Variants in ACRBP observed in about 807,000 individuals in gnomAD.
ACRBP encodes acrosin binding protein, also known as acrosin-binding protein.
ACRBP carries 52 observed loss-of-function variants against 69.0 expected under a neutral mutation model. The ratio of observed to expected loss-of-function variants is 0.75; its 90% CI spans 0.60 to 0.95. ACRBP has a LOEUF of 0.95. Ranked by LOEUF, ACRBP falls within the 40% of genes least tolerant of loss-of-function variation. ACRBP has a pLI of 0.00. For synonymous variants in ACRBP, 267 were observed against 258.9 expected (o/e 1.03, Z -0.30); for missense variants, 604 against 673.0 (o/e 0.90, Z 1.13).
chr12:6,638,404 C>G lies in ACRBP; in HGVS notation c.1510G>C (p.Val504Leu), dbSNP rs1301078141. 6.2e-7 allele frequency: 1 copy of G among 1,613,960 alleles called. No individual in the cohort carries two copies. The highest frequency in any genetic ancestry group is 1.1e-5 in the South Asian group (1 of 91,078). The change falls in exon 10 of 10, where the codon GTG becomes CTG. Residue 504 changes from valine to leucine, a missense_variant and splice_region_variant. Transcript: ENST00000229243. ...QCLMRNRNRK[V>L]SRMRCLQNET... is the part of the protein sequence containing the mutation. ...TTCTGCAGACATCTCATGCGGGACACCTACACAGAGATTCAGTGCAGACGG... is the reference window on the plus strand; with the variant it reads ...TTCTGCAGACATCTCATGCGGGACAGCTACACAGAGATTCAGTGCAGACGG...
intron 8 of ACRBP, 79 bp downstream of exon 8, chr12:6,639,981 T>C: frequency 3.3e-6 from 5 of 1,531,528 alleles, no homozygotes; most frequent in Non-Finnish European, 4.4e-6. Flanking sequence ...TTCCACAAAC[T>C]AGCGCTACTC....
At position 6,646,947 on chromosome 12, in the gene ACRBP, G is replaced by T; in HGVS notation, c.109C>A (p.Pro37Thr). Residue 37 changes from proline (P) to threonine (T), a missense_variant, in exon 2 of 10, where the codon CCT becomes ACT. Physicochemically the swap from Pro to Thr is conservative, Grantham distance 38 (BLOSUM62 -1). This residue lies in a region of ACRBP where 532 missense variants were observed against 562.9 expected (regional missense o/e 0.95). Transcript: ENST00000229243. ...CGTTCGTATTCGGTAGGAGAGAGAG[G>T]GCTGCCTGGAGTGGAGGCCTGAGTC... ...DSTQASTPGSPLSPTEYERFF... is the reference protein window; with the variant it reads ...DSTQASTPGSTLSPTEYERFF... 6.2e-7 allele frequency: 1 copy of T among 1,613,656 alleles called. No homozygotes were observed. The highest frequency in any genetic ancestry group is 8.5e-7 in the Non-Finnish European group (1 of 1,180,020).
chr12:6,646,647 C>T, intron 2 of ACRBP, 70 bp from the exon 3 acceptor site: 1 of 1,528,002 alleles, frequency 6.5e-7, no homozygotes, highest in South Asian at 1.1e-5. Flanking sequence ...GCAATGGACT[C>T]CACGCCATGG....
chr12:6,646,125 ATTTTT>A (rs59626834), intron 3 of ACRBP, among the ~76,000 whole-genome samples: 2 of 121,432 alleles, frequency 1.6e-5, no homozygotes, highest in African/African-American at 6.3e-5. Context: ...AAGCCCGGCT[ATTTTT>A]TTTTTTTTTT....
rs368867411 is a variant in ACRBP, at chr12:6,644,346, C to T, written c.735G>A (p.Val245=). 8.1e-6 allele frequency: 13 copies of T among 1,614,062 alleles called. No individual in the cohort carries two copies. In the African/African-American group the frequency reaches 1.6e-4, roughly 20 times the overall value. ...GCTCTGAGTCTGTCTGCAGCTGAGA[C>T]ACAGCCTCCCGTCCCTCCTTAGTCC... ...GQGTKEGREA[V]SQLQTDSEPK... Residue 245 remains valine, a synonymous_variant, in exon 5 of 10, where the codon GTG becomes GTA. Coordinates refer to ENST00000229243, the MANE Select transcript of ACRBP (RefSeq NM_032489.3).
rs1949047671 is a variant in ACRBP at position 6,640,897 on chromosome 12, C to T, written c.1078-375G>A. 6.6e-6 allele frequency among the ~76,000 whole-genome samples: 1 copy of T among 152,144 alleles called. No individual in the cohort carries two copies. The highest frequency in any genetic ancestry group is 1.5e-5 in the Non-Finnish European group (1 of 68,034). ...AGCCTATCTGAAAAGAACTCATAACCCTCCCCTGCCACCTCTGCTAATGAT... is the reference window on the plus strand; with the variant it reads ...AGCCTATCTGAAAAGAACTCATAACTCTCCCCTGCCACCTCTGCTAATGAT... On this transcript the variant is annotated intron_variant, in intron 6 of 9. Transcript: ENST00000229243. This position sits in a 1 kb window ranked among gnomAD's most constrained non-coding sequence, Gnocchi z 5.3.
At chr12:6,642,282 A>C (rs1317681017) in intron 6 of ACRBP, among the ~76,000 whole-genome samples, 1 of 152,178 alleles carries the variant, frequency 6.6e-6, no homozygotes, top group South Asian at 2.1e-4. Flanking sequence ...AGATACATCT[A>C]AGTTTTATTC....
In ACRBP at chr12:6,646,931, T is replaced by C; in HGVS notation, c.125A>G (p.Glu42Gly). The C allele has an allele frequency of 6.2e-7, 1 of 1,613,882 alleles. No individual in the cohort carries two copies. The highest frequency in any genetic ancestry group is 8.5e-7 in the Non-Finnish European group (1 of 1,179,998). ...STPGSPLSPT[E>G]YERFFALLTP... ...CAGCAGTGCGAAGAAGCGTTCGTAT[T>C]CGGTAGGAGAGAGAGGGCTGCCTGG... is the stretch of plus-strand genomic sequence containing the variant. Residue 42 changes from glutamate to glycine, a missense_variant, in exon 2 of 10, where the codon GAA becomes GGA. Glu to Gly is a moderately conservative substitution (Grantham distance 98, BLOSUM62 -2). This residue lies in a region of ACRBP where 532 missense variants were observed against 562.9 expected (regional missense o/e 0.95). Coordinates refer to ENST00000229243, the MANE Select transcript of ACRBP (RefSeq NM_032489.3).
chr12:6,638,128 C>G lies in ACRBP; in HGVS notation c.*154G>C. ...CTTTTAAGGAGGGCGCAGCTCCCAC[C>G]GTGGCCCTCTCTGGGACTGTTGCTC... On this transcript the variant is annotated 3_prime_UTR_variant, in exon 10 of 10. Transcript: ENST00000229243. The G allele has an allele frequency of 1.9e-6, 2 of 1,036,144 alleles. No individual in the cohort carries two copies. The highest frequency in any genetic ancestry group is 1.6e-5 in the South Asian group (1 of 64,272). 64.2% of individuals were successfully genotyped at this position (1,036,144 alleles called of 1,614,324 possible).
In ACRBP at chr12:6,645,318, G is replaced by A. The variant is rs1949079733; in HGVS notation, c.377C>T (p.Pro126Leu). 4 of 1,613,466 alleles carry A rather than the reference G, an allele frequency of 2.5e-6. No homozygotes were observed. The East Asian group carries it at 8.9e-5, about 36-fold the overall frequency. Reference protein sequence around the residue: ...YYAKRVLCSQPVSILSPNTLK... With the variant: ...YYAKRVLCSQLVSILSPNTLK... The stretch of plus-strand genomic sequence containing the variant: ...AGTGTTAGGTGAGAGAATAGAGACT[G>A]GCTGGGAACACAGGACTCTCTGCAG... Residue 126 changes from proline to leucine, a missense_variant, in exon 4 of 10, where the codon CCA (proline) becomes CTA (leucine). By Grantham distance (98) the Pro-to-Leu change is moderately conservative. This residue lies in a region of ACRBP where 532 missense variants were observed against 562.9 expected (regional missense o/e 0.95). Coordinates refer to ENST00000229243, the MANE Select transcript of ACRBP (RefSeq NM_032489.3).
At chr12:6,646,432 C>T in intron 3 of ACRBP, 51 bp downstream of exon 3, 1 of 1,541,000 alleles carries the variant, frequency 6.5e-7, no homozygotes, top group East Asian at 2.2e-5. Flanking sequence ...ACTGCTGCCG[C>T]CTCTCCCTTG....
chr12:6,639,105 A>G (rs1055300179), intron 8 of ACRBP, 68 bp from the exon 9 acceptor site: 1 of 1,440,194 alleles, frequency 6.9e-7, no homozygotes, highest in African/African-American at 1.4e-5. Context: ...ACTCCAGGGA[A>G]TATCTGCTAG....
Position 6,640,053 on chromosome 12 carries a change from T to C in ACRBP, c.1425+7A>G, listed in dbSNP as rs1373812111. On this transcript the variant is annotated splice_region_variant and intron_variant, in intron 8 of 9. Transcript: ENST00000229243. The surrounding 1 kb of genome is among the most constrained non-coding windows in gnomAD (Gnocchi z 5.3). ...GATGGGGCTGAGCTTTGGGGAAAGG[T>C]TCTAACCTTGGTAGGGAAATCCCCA... 6.2e-7 allele frequency: 1 copy of C among 1,613,736 alleles called. No homozygotes were observed. Among genetic ancestry groups the C allele is most frequent in the African/African-American group, 1.3e-5 (1 of 74,846 alleles).
Position 6,640,197 on chromosome 12 carries a change from C to G in ACRBP, c.1288G>C (p.Gly430Arg). 1.2e-6 allele frequency: 2 copies of G among 1,614,162 alleles called. No homozygotes were observed. Among genetic ancestry groups the G allele is most frequent in the Non-Finnish European group, 1.7e-6 (2 of 1,180,034 alleles). The change falls in exon 8 of 10, where the codon GGG becomes CGG. Residue 430 changes from glycine (G) to arginine (R), a missense_variant. This residue lies in a region of ACRBP where 532 missense variants were observed against 562.9 expected (regional missense o/e 0.95). Transcript: ENST00000229243. The surrounding 1 kb of genome is among the most constrained non-coding windows in gnomAD (Gnocchi z 5.3). ...VGSPESGRFY[G>R]LDLYGGLHMD... is the part of the protein sequence containing the mutation. ...TGGAGCCCACCGTACAAATCCAGCC[C>G]GTAAAAGCGGCCTGATTCTGGGGAC...
At position 6,639,174 on chromosome 12, in the gene ACRBP, C is replaced by T. The variant is rs1157539186; in HGVS notation, c.1426-137G>A. 5 of 723,440 alleles carry T rather than the reference C, an allele frequency of 6.9e-6. No homozygotes were observed. In the East Asian group the frequency reaches 1.4e-4, roughly 20 times the overall value. The allele number at this position is 723,440 out of a possible 1,614,324, so 44.8% of individuals were successfully genotyped here. A position where few individuals can be genotyped will look rare whatever the true frequency, so the allele number is the denominator to read the frequency against. ...CAGGTCTTCCACACACAGGCGGCCC[C>T]TCACTCCGCTTTCCCTCTGCCTTTC... is the stretch of plus-strand genomic sequence containing the variant. On this transcript the variant is annotated intron_variant, in intron 8 of 9. Coordinates refer to ENST00000229243, the MANE Select transcript of ACRBP (RefSeq NM_032489.3).
intron 2 of ACRBP, 87 bp from the exon 3 acceptor site, chr12:6,646,664 T>C: frequency 1.3e-6 from 2 of 1,505,328 alleles, no homozygotes; most frequent in Non-Finnish European, 1.8e-6. Flanking sequence ...ATGGGGAGGG[T>C]GGAGAGTACG....
At chr12:6,639,194 C>T (rs1949033666) in intron 8 of ACRBP, among the ~76,000 whole-genome samples, 157 bp from the exon 9 acceptor site, 1 of 152,208 alleles carries the variant, frequency 6.6e-6, no homozygotes, top group Admixed American at 6.5e-5. Flanking sequence ...TTTCCCTCTG[C>T]CTTTCCCCTG....
At chr12:6,638,750 C>T (rs1348496171) in intron 9 of ACRBP, 2 of 1,436,126 alleles carry the variant, frequency 1.4e-6, no homozygotes, top group African/African-American at 1.4e-5. Context: ...CTCTGTTATC[C>T]ACCAGCTGCC....
chr12:6,645,805 C>T (rs1205229493), intron 3 of ACRBP, among the ~76,000 whole-genome samples: 19 of 151,642 alleles, frequency 1.3e-4, no homozygotes, highest in East Asian at 3.9e-4. Context: ...GGACTACAGG[C>T]GCCTGCCACC....
Sources: allele counts gnomAD v4.1 joint callset (sites outside exome capture counted in the v4.1 genomes callset), GRCh38; gene constraint gnomAD v4.1.1; regional missense constraint gnomAD v4.1.1; non-coding constraint Gnocchi (gnomAD v3.1); transcripts MANE v1.5; gene names NCBI Gene and HGNC (gene_info 2026-07-23, HGNC 2026-07-21).